The following TNRC6C variants were observed in gnomAD, a reference collection of about 807,000 sequenced individuals.
The protein encoded by TNRC6C is trinucleotide repeat-containing gene 6C protein.
A neutral mutation model predicts 153.7 loss-of-function variants in TNRC6C; 20 were observed. The observed-to-expected ratio is 0.13, with a 90% CI of 0.09 to 0.19. The LOEUF (loss-of-function observed/expected upper bound fraction) is 0.19. Ranked by LOEUF, TNRC6C falls within the 10% of genes least tolerant of loss-of-function variation. TNRC6C has a pLI of 1.00. For missense variants in TNRC6C, 1,987 were observed against 2,172.0 expected, an observed-to-expected ratio of 0.91 and a Z score of 1.69; for synonymous variants, 811 against 841.4, an observed-to-expected ratio of 0.96 and a Z score of 0.63.
chr17:78,077,870 G>A (rs1041353035), intron 9 of TNRC6C: 6 of 157,828 alleles, frequency 3.8e-5, no homozygotes, highest in African/African-American at 1.4e-4. Context: ...TTAACTACAG[G>A]AAGGACCTGA....
intron 1 of TNRC6C, among the ~76,000 whole-genome samples, chr17:77,986,160 T>G (rs1198386921): frequency 6.6e-6 from 1 of 152,178 alleles, no homozygotes; most frequent in Non-Finnish European, 1.5e-5. Flanking sequence ...CTCACACCTG[T>G]AATCCCAGCA....
intron 13 of TNRC6C, among the ~76,000 whole-genome samples, chr17:78,088,567 G>C (rs1445495025): frequency 3.3e-5 from 5 of 151,466 alleles, no homozygotes; most frequent in African/African-American, 1.2e-4. Context: ...TTAACTCCTA[G>C]GTTTGTTTTA....
chr17:78,017,141 G>A (rs991049040), intron 1 of TNRC6C, among the ~76,000 whole-genome samples: 6 of 152,238 alleles, frequency 3.9e-5, no homozygotes, highest in South Asian at 2.1e-4. Context: ...GTGGAATGGG[G>A]ACATTTTATT....
chr17:78,046,987 A>C (rs899183539), intron 2 of TNRC6C, among the ~76,000 whole-genome samples: 5 of 151,938 alleles, frequency 3.3e-5, no homozygotes, highest in African/African-American at 1.2e-4. Context: ...TGTGTATTCG[A>C]ATGGCACCTC....
intron 7 of TNRC6C, among the ~76,000 whole-genome samples, chr17:78,073,934 C>CTGTCACAT (rs1002874850): frequency 1.3e-5 from 2 of 152,170 alleles, no homozygotes; most frequent in African/African-American, 2.4e-5. Context: ...TTCCATAGCT[C>CTGTCACAT]TGTCACATGC....
At chr17:77,964,036 CAG>C (rs1484228324) in intron 1 of TNRC6C, among the ~76,000 whole-genome samples, 1 of 152,200 alleles carries the variant, frequency 6.6e-6, no homozygotes, top group African/African-American at 2.4e-5. Context: ...GGGCCACACA[CAG>C]TGCACATGGC....
intron 2 of TNRC6C, 44 bp downstream of exon 4, chr17:78,031,886 T>C: frequency 8.1e-7 from 1 of 1,231,408 alleles, no homozygotes; most frequent in Non-Finnish European, 1.0e-6. Flanking sequence ...TCTGAAAACT[T>C]TGCTATTTTC....
chr17:78,107,565 C>G (rs1054563562), exon 20 of TNRC6C: 1 of 152,262 alleles, frequency 6.6e-6, no homozygotes, highest in East Asian at 1.9e-4. Context: ...GTAATTTCCT[C>G]AGAGCTCACA....
chr17:78,045,207 C>T (rs1434151059), intron 2 of TNRC6C, among the ~76,000 whole-genome samples: 4 of 152,120 alleles, frequency 2.6e-5, no homozygotes, highest in African/African-American at 7.2e-5. Context: ...GTAATCCAGT[C>T]AAGACATGAG....
chr17:78,075,254 G>T lies in TNRC6C; in HGVS notation c.3036G>T (p.Val1012=). 1 of 1,599,344 alleles carries T rather than the reference G, an allele frequency of 6.3e-7. No homozygotes were observed. The highest frequency in any genetic ancestry group is 1.1e-5 in the South Asian group (1 of 88,588). ...CGCCAATCTCCAAAGAGTCTTCCGTGGACCGCCCCACCTTTCTTGACAAGG... is the reference window on the plus strand; with the variant it reads ...CGCCAATCTCCAAAGAGTCTTCCGTTGACCGCCCCACCTTTCTTGACAAGG... Residue 1012 remains valine (V), a synonymous_variant, in exon 8 of 20, where the codon GTG becomes GTT. Coordinates refer to ENST00000301624, the Ensembl canonical transcript of TNRC6C. This position sits in a 1 kb window ranked among gnomAD's most constrained non-coding sequence, Gnocchi z 4.2.
At chr17:78,082,135 G>T (rs1472003276) in intron 10 of TNRC6C, among the ~76,000 whole-genome samples, 1 of 150,652 alleles carries the variant, frequency 6.6e-6, no homozygotes, top group Non-Finnish European at 1.5e-5. Flanking sequence ...TTCCCAGGCA[G>T]ATTGGCAGGT....
intron 1 of TNRC6C, among the ~76,000 whole-genome samples, chr17:78,019,027 G>A (rs968487797): frequency 6.6e-6 from 1 of 152,120 alleles, no homozygotes; most frequent in African/African-American, 2.4e-5. Context: ...AGTGTCAGGC[G>A]GTCTGGAAAT....
At chr17:78,053,551 C>G (rs1429547272) in intron 3 of TNRC6C, among the ~76,000 whole-genome samples, 2 of 151,760 alleles carry the variant, frequency 1.3e-5, no homozygotes, top group East Asian at 3.9e-4. Context: ...ATCATTTGAA[C>G]CCAGGAGGCG....
At position 78,026,447 on chromosome 17, in the gene TNRC6C, C is replaced by G. The variant is rs189259388; in HGVS notation, c.-545-5069C>G. ...GCATTATGCACTATTTTATGTACCA[C>G]TAAGAAAAAAATTGCCAGTTAAACT... On this transcript the variant is annotated intron_variant, in intron 1 of 19. Transcript: ENST00000301624. Among the ~76,000 whole-genome samples the G allele has an allele frequency of 2.5e-3, 374 of 152,242 alleles. 2 individuals are homozygous for G. The highest frequency in any genetic ancestry group is 8.6e-3 in the African/African-American group (357 of 41,542).
intron 5 of TNRC6C, among the ~76,000 whole-genome samples, chr17:78,070,303 A>G (rs778719328): frequency 2.0e-5 from 3 of 152,240 alleles, no homozygotes; most frequent in Non-Finnish European, 2.9e-5. Flanking sequence ...CCTTGAGGAA[A>G]GAAAGCCTGT....
At chr17:78,071,611 C>T (rs2072998567) in intron 6 of TNRC6C, among the ~76,000 whole-genome samples, 1 of 152,118 alleles carries the variant, frequency 6.6e-6, no homozygotes, top group African/African-American at 2.4e-5. Context: ...TGGTCTCGAA[C>T]ACCTGGGCTC....
At chr17:77,996,695 GCT>G (rs781169812) in intron 1 of TNRC6C, among the ~76,000 whole-genome samples, 2 of 152,060 alleles carry the variant, frequency 1.3e-5, no homozygotes, top group Non-Finnish European at 2.9e-5. Context: ...TCATTTTTTG[GCT>G]CTCTCTGGTT....
chr17:78,031,820 TCATC>T, exon 2 of TNRC6C: 1 of 1,232,240 alleles, frequency 8.1e-7, no homozygotes, highest in Non-Finnish European at 1.0e-6. Context: ...GAACACAGCA[TCATC>T]CCAGTAAGCT....
intron 1 of TNRC6C, among the ~76,000 whole-genome samples, chr17:78,014,802 G>T (rs993011352): frequency 6.6e-6 from 1 of 151,586 alleles, no homozygotes; most frequent in Non-Finnish European, 1.5e-5. Flanking sequence ...ATGTTGCCAC[G>T]GTGATAGATC....
Sources: gnomAD v4.1 joint callset for allele counts (sites outside exome capture counted in the v4.1 genomes callset) on GRCh38, gnomAD v4.1.1 for gene constraint, Gnocchi (gnomAD v3.1) non-coding constraint, MANE v1.5 for transcripts, NCBI Gene and HGNC (gene_info 2026-07-23, HGNC 2026-07-21) for gene names.